Variants in SPTLC1 observed in about 807,000 individuals in gnomAD.
The protein encoded by SPTLC1 is serine palmitoyltransferase long chain base subunit 1, also known as serine palmitoyltransferase 1.
SPTLC1 carries 55 observed loss-of-function variants against 68.9 expected under a neutral mutation model. The observed-to-expected ratio is 0.80, with a 90% CI of 0.64 to 1.00. The LOEUF is 1.00. SPTLC1 is among the 50% of genes least tolerant of loss of function. The pLI, the probability that SPTLC1 is intolerant of heterozygous loss-of-function variation, is 0.00. For synonymous variants in SPTLC1, 197 were observed against 201.6 expected, an observed-to-expected ratio of 0.98 and a Z score of 0.19; for missense variants, 449 against 573.1, an observed-to-expected ratio of 0.78 and a Z score of 2.21.
rs1398641793 is a variant in SPTLC1 at position 92,059,268 on chromosome 9, C to T, written c.601G>A (p.Ala201Thr). 3 of 1,613,988 alleles carry T rather than the reference C, an allele frequency of 1.9e-6. No homozygotes were observed. Among genetic ancestry groups the T allele is most frequent in the Non-Finnish European group, 2.5e-6 (3 of 1,179,972 alleles). The change falls in exon 7 of 15, where the codon GCA (alanine) becomes ACA (threonine). Residue 201 changes from alanine (A) to threonine (T), a missense_variant. Ala to Thr is a moderately conservative substitution (Grantham distance 58). This residue lies in a region of SPTLC1 where 391 missense variants were observed against 472.1 expected (regional missense o/e 0.83). Coordinates refer to ENST00000262554, the MANE Select transcript of SPTLC1 (RefSeq NM_006415.4). ...ACFAIQKGLQ[A>T]SRSDIKLFKH... is the part of the protein sequence containing the mutation. ...AATAACTTAATGTCACTACGGGATG[C>T]CTGTAATCCTTTCTGAATAGCAAAG...
intron 3 of SPTLC1, among the ~76,000 whole-genome samples, chr9:92,089,828 GA>G (rs1341510596): frequency 6.6e-6 from 1 of 152,142 alleles, no homozygotes; most frequent in African/African-American, 2.4e-5. Flanking sequence ...GAATTTTAGA[GA>G]AAAATAATTG....
intron 3 of SPTLC1, among the ~76,000 whole-genome samples, chr9:92,101,561 C>CAAAAAA (rs61125464): frequency 1.1e-4 from 5 of 45,966 alleles, no homozygotes; most frequent in Non-Finnish European, 1.6e-4. Flanking sequence ...GACTCCGTCT[C>CAAAAAA]AAAAAAAAAA....
chr9:92,047,228 G>A lies in SPTLC1; in HGVS notation c.1025C>T (p.Pro342Leu). The change falls in exon 11 of 15, where the codon CCT (proline) becomes CTT (leucine). Residue 342 changes from proline (P) to leucine (L), a missense_variant. Physicochemically the swap from Pro to Leu is moderately conservative, Grantham distance 98. Around this residue, in one of 3 missense-constraint regions of SPTLC1, gnomAD observed 391 missense variants for 472.1 expected, o/e 0.83. Coordinates refer to ENST00000262554, the MANE Select transcript of SPTLC1 (RefSeq NM_006415.4). Reference protein sequence around the residue: ...GQGYCFSASLPPLLAAAAIEA... With the variant: ...GQGYCFSASLLPLLAAAAIEA... ...AATTGCTGCAGCAGCTAACAGGGGA[G>A]GTAACGAAGCTGAAAAGCAGTATCC... 6.2e-7 allele frequency: 1 copy of A among 1,614,092 alleles called. No individual in the cohort carries two copies.
At chr9:92,113,951 G>C (rs927343742) in intron 1 of SPTLC1, among the ~76,000 whole-genome samples, 1 of 152,218 alleles carries the variant, frequency 6.6e-6, no homozygotes, top group African/African-American at 2.4e-5. Flanking sequence ...CAGTCACTAA[G>C]TTACACGTGG....
chr9:92,076,147 T>C (rs79228069), intron 5 of SPTLC1, among the ~76,000 whole-genome samples: 1 of 152,232 alleles, frequency 6.6e-6, no homozygotes, highest in African/African-American at 2.4e-5. Flanking sequence ...TCTAATTGAC[T>C]CTAAATACGC....
intron 8 of SPTLC1, 31 bp from the exon 9 acceptor site, chr9:92,050,098 T>A (rs377233034): frequency 1.5e-6 from 2 of 1,319,454 alleles, no homozygotes; most frequent in Non-Finnish European, 2.2e-6. Context: ...AAAATACTAA[T>A]GATTAGCACC....
intron 12 of SPTLC1, among the ~76,000 whole-genome samples, chr9:92,044,145 T>TA (rs1428866250): frequency 6.6e-6 from 1 of 152,154 alleles, no homozygotes; most frequent in African/African-American, 2.4e-5. Flanking sequence ...AGGGTGGTGA[T>TA]ACGAAGCTGG....
chr9:92,059,405 T>G, intron 6 of SPTLC1, 97 bp from the exon 7 acceptor site: 1 of 1,252,290 alleles, frequency 8.0e-7, no homozygotes, highest in Middle Eastern at 1.8e-4. Flanking sequence ...AATCACTGAT[T>G]GTTAACATGA....
At chr9:92,067,850 G>A (rs1362725550) in intron 6 of SPTLC1, 116 bp downstream of exon 6, 2 of 1,316,730 alleles carry the variant, frequency 1.5e-6, no homozygotes, top group Non-Finnish European at 2.1e-6. Context: ...ACTATTTCTT[G>A]AAAAACAAAA....
intron 2 of SPTLC1, 47 bp downstream of exon 2, chr9:92,112,408 A>G (rs1171906464): frequency 1.5e-6 from 2 of 1,324,700 alleles, no homozygotes; most frequent in African/African-American, 2.9e-5. Flanking sequence ...AGACATAGCA[A>G]CTATAATCAC....
At chr9:92,039,811 A>C (rs1250090615) in intron 12 of SPTLC1, among the ~76,000 whole-genome samples, 3 of 152,040 alleles carry the variant, frequency 2.0e-5, no homozygotes, top group Non-Finnish European at 4.4e-5. Context: ...CCTTCCAATC[A>C]CCCTTGGAAC....
At chr9:92,079,020 T>C in intron 5 of SPTLC1, 1 of 961,064 alleles carries the variant, frequency 1.0e-6, no homozygotes, top group Non-Finnish European at 1.2e-6. Context: ...TTCCCCACAC[T>C]GTGTCATTTT....
In SPTLC1 at chr9:92,059,314, A is replaced by T. The variant is rs776190220; in HGVS notation, c.561-6T>A. 5 of 1,613,878 alleles carry T rather than the reference A, an allele frequency of 3.1e-6. No homozygotes were observed. The African/African-American group carries it at 4.0e-5, about 13-fold the overall frequency. On this transcript the variant is annotated splice_polypyrimidine_tract_variant and splice_region_variant and intron_variant, in intron 6 of 14. Transcript: ENST00000262554. Reference sequence around the variant, plus strand: ...CAAAGCAGGCAGCTCTATCTCTGCAAGGAAAAGAGATCCACCAAATTGGGT... The same window carrying T: ...CAAAGCAGGCAGCTCTATCTCTGCATGGAAAAGAGATCCACCAAATTGGGT...
intron 6 of SPTLC1, among the ~76,000 whole-genome samples, chr9:92,066,611 C>A (rs1028737790): frequency 6.6e-5 from 10 of 152,172 alleles, no homozygotes; most frequent in Admixed American, 1.3e-4. Context: ...CAAGATCATA[C>A]AAAGGACTTG....
At chr9:92,090,900 G>C (rs925806802) in intron 3 of SPTLC1, among the ~76,000 whole-genome samples, 2 of 152,074 alleles carry the variant, frequency 1.3e-5, no homozygotes, top group African/African-American at 4.8e-5. Flanking sequence ...ACTTATGAAT[G>C]GAAGTCACAC....
At chr9:92,050,109 A>C in intron 8 of SPTLC1, 42 bp from the exon 9 acceptor site, 2 of 1,213,654 alleles carry the variant, frequency 1.6e-6, no homozygotes, top group Non-Finnish European at 1.2e-6. Context: ...GATTAGCACC[A>C]TATAGAACAT....
chr9:92,087,694 G>A (rs548638970), intron 3 of SPTLC1, among the ~76,000 whole-genome samples: 1,530 of 152,328 alleles, frequency 0.01, 26 homozygotes, highest in African/African-American at 0.036. Flanking sequence ...GGGGTCAGGG[G>A]TCAGGGACCC....
At chr9:92,039,487 C>T (rs1833266647) in intron 12 of SPTLC1, among the ~76,000 whole-genome samples, 1 of 152,094 alleles carries the variant, frequency 6.6e-6, no homozygotes, top group Non-Finnish European at 1.5e-5. Flanking sequence ...TGCAGTGGCA[C>T]GATCTCGGCT....
In SPTLC1 at chr9:92,059,984, C is replaced by T. The variant is rs141831617; in HGVS notation, c.561-676G>A. 6.7e-3 allele frequency among the ~76,000 whole-genome samples: 1,020 copies of T among 152,306 alleles called. 5 individuals are homozygous for T. The highest frequency in any genetic ancestry group is 0.024 in the Middle Eastern group (7 of 294). ...GTGTCAGCAAAGAACACATGGAGAG[C>T]CCTAACTTCCACCTGCACTTGGGAG... is the stretch of plus-strand genomic sequence containing the variant. On this transcript the variant is annotated intron_variant, in intron 6 of 14. Coordinates refer to ENST00000262554, the MANE Select transcript of SPTLC1 (RefSeq NM_006415.4).
Sources: allele counts gnomAD v4.1 joint callset (sites outside exome capture counted in the v4.1 genomes callset), GRCh38; gene constraint gnomAD v4.1.1; regional missense constraint gnomAD v4.1.1; transcripts MANE v1.5; gene names NCBI Gene and HGNC (gene_info 2026-07-23, HGNC 2026-07-21).